Variants in KDM1A observed in about 807,000 individuals in gnomAD.
KDM1A encodes the protein lysine demethylase 1A.
KDM1A carries 49 observed loss-of-function variants against 109.4 expected under a neutral mutation model. That is an observed-to-expected ratio of 0.45 (90% CI 0.36 to 0.57). The LOEUF (loss-of-function observed/expected upper bound fraction) is 0.57, where lower values mean the gene tolerates loss of function less well. Ranked by LOEUF, KDM1A falls within the 20% of genes least tolerant of loss-of-function variation. The pLI, the probability that KDM1A is intolerant of heterozygous loss-of-function variation, is 0.00. For synonymous variants in KDM1A, 380 were observed against 415.4 expected, an observed-to-expected ratio of 0.91 and a Z score of 1.04; for missense variants, 668 against 1,116.6, an observed-to-expected ratio of 0.60 and a Z score of 5.73.
At chr1:23,026,889 C>T (rs1641821905) in intron 1 of KDM1A, among the ~76,000 whole-genome samples, 1 of 152,160 alleles carries the variant, frequency 6.6e-6, no homozygotes, top group Admixed American at 6.5e-5. Flanking sequence ...TGTAGAATCT[C>T]TGAAGTCTTT....
At position 23,053,806 on chromosome 1, in the gene KDM1A, G is replaced by T; in HGVS notation, c.757G>T (p.Ala253Ser). The T allele has an allele frequency of 6.2e-7, 1 of 1,609,338 alleles. No individual in the cohort carries two copies. Among genetic ancestry groups the T allele is most frequent in the Non-Finnish European group, 8.5e-7 (1 of 1,175,822 alleles). Residue 253 changes from alanine (A) to serine (S), a missense_variant, in exon 5 of 21, where the codon GCT becomes TCT. Ala to Ser is a moderately conservative substitution (Grantham distance 99). Coordinates refer to ENST00000400181, the MANE Select transcript of KDM1A (RefSeq NM_001009999.3). Reference protein sequence around the residue: ...DNPKIQLTFEATLQQLEAPYN... With the variant: ...DNPKIQLTFESTLQQLEAPYN... ...TCCAAAGATTCAGCTGACATTTGAG[G>T]CTACTCTCCAACAATTAGAAGCACC...
intron 3 of KDM1A, among the ~76,000 whole-genome samples, chr1:23,048,569 T>A (rs939561887): frequency 3.9e-5 from 6 of 152,194 alleles, no homozygotes; most frequent in African/African-American, 1.4e-4. Context: ...AGTAGATGGA[T>A]AGTTTTTTCT....
At chr1:23,021,250 A>G (rs1471864518) in intron 1 of KDM1A, among the ~76,000 whole-genome samples, 3 of 152,212 alleles carry the variant, frequency 2.0e-5, no homozygotes, top group Non-Finnish European at 1.5e-5. Context: ...TGGGTTAGAA[A>G]AGCACAGAGG....
intron 2 of KDM1A, among the ~76,000 whole-genome samples, chr1:23,033,832 G>C (rs997936790): frequency 3.3e-5 from 5 of 152,176 alleles, no homozygotes; most frequent in Admixed American, 6.5e-5. Context: ...CGGTAGCCCT[G>C]AGGTTTTTTG....
Position 23,083,617 on chromosome 1 carries a change from C to A in KDM1A, c.*253C>A. On this transcript the variant is annotated 3_prime_UTR_variant, in exon 21 of 21. Transcript: ENST00000400181. The stretch of plus-strand genomic sequence containing the variant: ...GCAAGCAAGTGCTGTGAAATAACAT[C>A]ATCTTAGTCCCTTGGTGTGTGGGGT... 5.8e-6 allele frequency: 2 copies of A among 344,878 alleles called. No homozygotes were observed. The highest frequency in any genetic ancestry group is 1.0e-5 in the Non-Finnish European group (2 of 190,612). 21.4% of individuals were successfully genotyped at this position (344,878 alleles called of 1,614,324 possible).
chr1:23,053,045 G>A (rs143481352), intron 4 of KDM1A, among the ~76,000 whole-genome samples: 3 of 152,152 alleles, frequency 2.0e-5, no homozygotes, highest in East Asian at 1.9e-4. Context: ...GTACCAACTC[G>A]CTTAGTTGTA....
chr1:23,054,438 T>A (rs912896628), intron 5 of KDM1A, among the ~76,000 whole-genome samples: 1 of 152,160 alleles, frequency 6.6e-6, no homozygotes, highest in Non-Finnish European at 1.5e-5. Context: ...AATTATGTGT[T>A]ACACATTTTG....
At chr1:23,050,595 T>C in intron 4 of KDM1A, 75 bp downstream of exon 4, 1 of 1,226,706 alleles carries the variant, frequency 8.2e-7, no homozygotes, top group South Asian at 2.0e-5. Flanking sequence ...ATGGGAAAAA[T>C]AAAAAGAGAA....
At chr1:23,031,097 G>C (rs1420556649) in intron 2 of KDM1A, among the ~76,000 whole-genome samples, 10 of 151,746 alleles carry the variant, frequency 6.6e-5, no homozygotes, top group African/African-American at 2.2e-4. Flanking sequence ...TCGGTTTTGA[G>C]AAGTGCCTTT....
At chr1:23,082,010 G>A (rs1448524525) in intron 19 of KDM1A, 7 of 254,624 alleles carry the variant, frequency 2.7e-5, no homozygotes, top group Admixed American at 9.6e-5. Flanking sequence ...TCATAGACAG[G>A]AAGGCAACAT....
intron 1 of KDM1A, among the ~76,000 whole-genome samples, chr1:23,025,939 AAATT>A (rs1641785205): frequency 6.6e-6 from 1 of 152,084 alleles, no homozygotes; most frequent in Non-Finnish European, 1.5e-5. Flanking sequence ...AAAATTATAA[AAATT>A]AGCCATGTGT....
chr1:23,057,255 T>TTA (rs1642857749), intron 7 of KDM1A, among the ~76,000 whole-genome samples: 1 of 152,224 alleles, frequency 6.6e-6, no homozygotes. Flanking sequence ...TCTGTGTCGT[T>TTA]TAGTTATATG....
At chr1:23,081,397 G>A in intron 18 of KDM1A, 49 bp from the exon 19 acceptor site, 1 of 1,604,010 alleles carries the variant, frequency 6.2e-7, no homozygotes, top group African/African-American at 1.3e-5. Flanking sequence ...GGAAGTTTTT[G>A]AGGAAAGTCT....
chr1:23,026,253 T>G (rs1557497039), intron 1 of KDM1A, among the ~76,000 whole-genome samples: 2 of 151,596 alleles, frequency 1.3e-5, no homozygotes, highest in Admixed American at 6.6e-5. Flanking sequence ...AGGGAGAAAG[T>G]TTTTTTTTAA....
At chr1:23,065,624 C>T (rs1361077291) in intron 9 of KDM1A, among the ~76,000 whole-genome samples, 1 of 152,142 alleles carries the variant, frequency 6.6e-6, no homozygotes, top group Non-Finnish European at 1.5e-5. Context: ...AACTGAGCCT[C>T]GGGTTAGAAT....
At chr1:23,074,468 G>T (rs1643406083) in intron 15 of KDM1A, among the ~76,000 whole-genome samples, 1 of 152,090 alleles carries the variant, frequency 6.6e-6, no homozygotes, top group Non-Finnish European at 1.5e-5. Context: ...TTGAGACAAG[G>T]TCTTGCTTTG....
rs1643687560 is a variant in KDM1A at position 23,083,642 on chromosome 1, TTTTTG to T, written c.*283_*287del. 4.2e-6 allele frequency: 1 copy of T among 238,530 alleles called. No individual in the cohort carries two copies. 14.8% of individuals were successfully genotyped at this position (238,530 alleles called of 1,614,324 possible). A position where few individuals can be genotyped will look rare whatever the true frequency, so the allele number is the denominator to read the frequency against. ...CATCTTAGTCCCTTGGTGTGTGGGG[TTTTTG>T]TTTTTTTTTTATATTTTGAGAATAA... On this transcript the variant is annotated 3_prime_UTR_variant, in exon 21 of 21. Transcript: ENST00000400181.
chr1:23,082,001 C>CAT (rs1643633169), intron 19 of KDM1A: 4 of 509,656 alleles, frequency 7.8e-6, no homozygotes. Flanking sequence ...TCTCTGGATT[C>CAT]ATAGACAGGA....
chr1:23,083,082 T>TAA, intron 20 of KDM1A, 97 bp from the exon 21 acceptor site: 1 of 1,189,736 alleles, frequency 8.4e-7, no homozygotes. Flanking sequence ...GGTCAGCCTT[T>TAA]AAAAAGGTCA....
Sources: gnomAD v4.1 joint callset for allele counts (sites outside exome capture counted in the v4.1 genomes callset) on GRCh38, gnomAD v4.1.1 for gene constraint, MANE v1.5 for transcripts, NCBI Gene and HGNC (gene_info 2026-07-23, HGNC 2026-07-21) for gene names.